Variants in PLCXD3 observed in about 807,000 individuals in gnomAD.
PLCXD3 encodes the protein phosphatidylinositol specific phospholipase C X domain containing 3, also known as PI-PLC X domain-containing protein 3.
A neutral mutation model predicts 25.5 loss-of-function variants in PLCXD3; 19 were observed. The ratio of observed to expected loss-of-function variants is 0.75; its 90% CI spans 0.52 to 1.09. The LOEUF is 1.09. PLCXD3 is among the 50% of genes least tolerant of loss of function. PLCXD3 has a pLI of 0.00. For synonymous variants in PLCXD3, 174 were observed against 137.6 expected (o/e 1.26, Z -1.85); for missense variants, 411 against 388.1 (o/e 1.06, Z -0.50).
intron 1 of PLCXD3, among the ~76,000 whole-genome samples, chr5:41,391,466 G>A (rs990806192): frequency 6.6e-6 from 1 of 152,162 alleles, no homozygotes; most frequent in African/African-American, 2.4e-5. Flanking sequence ...GGCCAGAAGG[G>A]AACCTGCTGC....
chr5:41,356,592 G>C (rs1179038728), intron 2 of PLCXD3, among the ~76,000 whole-genome samples: 1 of 152,044 alleles, frequency 6.6e-6, no homozygotes, highest in East Asian at 1.9e-4. Context: ...AAAATATGTG[G>C]ATCCCTGTTT....
rs5867553 is a variant in PLCXD3, at chr5:41,410,141, C to CTTTTTT, written c.104-27613_104-27608dup. Among the ~76,000 whole-genome samples the CTTTTTT allele has an allele frequency of 2.4e-3, 286 of 121,396 alleles. 1 individual carries two copies. Among genetic ancestry groups the CTTTTTT allele is most frequent in the African/African-American group, 7.4e-3 (242 of 32,762 alleles). The allele number at this position is 121,396 out of a possible 152,430, so 79.6% of individuals were successfully genotyped here. A position where few individuals can be genotyped will look rare whatever the true frequency, so the allele number is the denominator to read the frequency against. ...CTAAAGCCCCCCTCCTTTTATTTATCTTTTTTTTTTTTTTTTGAGACGGAG... is the reference window on the plus strand; with the variant it reads ...CTAAAGCCCCCCTCCTTTTATTTATCTTTTTTTTTTTTTTTTTTTTTTGAGACGGAG... On this transcript the variant is annotated intron_variant, in intron 1 of 2. Coordinates refer to ENST00000377801, the MANE Select transcript of PLCXD3 (RefSeq NM_001005473.3).
intron 1 of PLCXD3, among the ~76,000 whole-genome samples, chr5:41,401,811 TTAAC>T (rs1478444937): frequency 2.6e-5 from 4 of 152,054 alleles, no homozygotes; most frequent in African/African-American, 9.7e-5. Flanking sequence ...GGCTATTTAC[TTAAC>T]TAACTTTTGG....
chr5:41,354,610 A>T (rs1013541294), intron 2 of PLCXD3, among the ~76,000 whole-genome samples: 2 of 152,124 alleles, frequency 1.3e-5, no homozygotes, highest in Non-Finnish European at 2.9e-5. Flanking sequence ...TCATTCAATG[A>T]CACACATGTA....
intron 2 of PLCXD3, among the ~76,000 whole-genome samples, chr5:41,365,193 A>G (rs1744899698): frequency 6.6e-6 from 1 of 152,126 alleles, no homozygotes; most frequent in African/African-American, 2.4e-5. Context: ...TCACCATAGA[A>G]ATTTTTCTTT....
At chr5:41,411,705 T>C (rs1746524646) in intron 1 of PLCXD3, among the ~76,000 whole-genome samples, 1 of 151,200 alleles carries the variant, frequency 6.6e-6, no homozygotes, top group African/African-American at 2.4e-5. Flanking sequence ...CCCAAACTCC[T>C]TACTCCAAAT....
chr5:41,500,041 C>T (rs1266398131), intron 1 of PLCXD3, among the ~76,000 whole-genome samples: 1 of 151,738 alleles, frequency 6.6e-6, no homozygotes, highest in African/African-American at 2.4e-5. Context: ...ATAGAACTTC[C>T]ATTTGATCCA....
intron 1 of PLCXD3, among the ~76,000 whole-genome samples, chr5:41,391,207 C>A (rs945962828): frequency 5.3e-5 from 8 of 152,162 alleles, no homozygotes; most frequent in Admixed American, 5.2e-4. Flanking sequence ...TGAGGTGGAA[C>A]ATGATACACA....
intron 2 of PLCXD3, among the ~76,000 whole-genome samples, chr5:41,362,599 GT>G (rs2150485581): frequency 6.6e-6 from 1 of 152,288 alleles, no homozygotes; most frequent in Admixed American, 6.5e-5. Context: ...CACCTTGAAA[GT>G]TAAACAAACT....
At chr5:41,397,638 C>G (rs1307035180) in intron 1 of PLCXD3, among the ~76,000 whole-genome samples, 1 of 152,262 alleles carries the variant, frequency 6.6e-6, no homozygotes, top group Admixed American at 6.5e-5. Context: ...TCCTCCAGCC[C>G]CCAGAATGGT....
rs1745501521 is a variant in PLCXD3 at position 41,382,497 on chromosome 5, G to A, written c.141C>T (p.Ala47=). ...HDSFSFYIDE[A]SPVGPEQPET... ...CTGGCTGCTCAGGACCTACTGGAGA[G>A]GCTTCATCAATGTAGAAGCTGAAGG... The change falls in exon 2 of 3, where the codon GCC becomes GCT. Residue 47 remains alanine, a synonymous_variant. Coordinates refer to ENST00000377801, the MANE Select transcript of PLCXD3 (RefSeq NM_001005473.3). 1 of 1,606,300 alleles carries A rather than the reference G, an allele frequency of 6.2e-7. No homozygotes were observed. Among genetic ancestry groups the A allele is most frequent in the Non-Finnish European group, 8.5e-7 (1 of 1,178,776 alleles).
chr5:41,502,283 CTGTT>C (rs749768467), intron 1 of PLCXD3, among the ~76,000 whole-genome samples: 1 of 152,028 alleles, frequency 6.6e-6, no homozygotes, highest in Non-Finnish European at 1.5e-5. Flanking sequence ...AAGATCTTGT[CTGTT>C]TGCATCAAGT....
At chr5:41,403,398 G>GTTTTTTTTTTTTTTTTTTTTTTTTGTTT (rs764950342) in intron 1 of PLCXD3, among the ~76,000 whole-genome samples, 2 of 33,990 alleles carry the variant, frequency 5.9e-5, no homozygotes, top group African/African-American at 2.3e-4. Flanking sequence ...TGACTTATTT[G>GTTTTTTTTTTTTTTTTTTTTTTTTGTTT]TTGTTTTTTT....
intron 2 of PLCXD3, among the ~76,000 whole-genome samples, chr5:41,358,357 A>G (rs1442234109): frequency 2.0e-5 from 3 of 152,130 alleles, no homozygotes. Context: ...GTTTGGTTGC[A>G]TGAATAAGTT....
At chr5:41,482,088 G>T (rs4478362) in intron 1 of PLCXD3, among the ~76,000 whole-genome samples, 1 of 151,782 alleles carries the variant, frequency 6.6e-6, no homozygotes, top group Admixed American at 6.6e-5. Context: ...TTTTAACCTA[G>T]AACTCAGATA....
intron 1 of PLCXD3, among the ~76,000 whole-genome samples, chr5:41,454,441 C>A (rs976081736): frequency 6.6e-6 from 1 of 151,978 alleles, no homozygotes; most frequent in Non-Finnish European, 1.5e-5. Flanking sequence ...CACAAGATGG[C>A]AGGTGCTAGC....
intron 1 of PLCXD3, among the ~76,000 whole-genome samples, chr5:41,510,118 G>C (rs890851928): frequency 6.6e-6 from 1 of 152,002 alleles, no homozygotes; most frequent in African/African-American, 2.4e-5. Context: ...ACCATAGGAG[G>C]GGGTCACGAG....
At chr5:41,470,720 C>T (rs549839543) in intron 1 of PLCXD3, among the ~76,000 whole-genome samples, 1 of 152,070 alleles carries the variant, frequency 6.6e-6, no homozygotes, top group South Asian at 2.1e-4. Context: ...AGAAGCTAAA[C>T]AGGAAAAAGA....
At chr5:41,375,021 T>C (rs1282079084) in intron 2 of PLCXD3, among the ~76,000 whole-genome samples, 1 of 152,102 alleles carries the variant, frequency 6.6e-6, no homozygotes, top group Admixed American at 6.5e-5. Context: ...TCCAAGAGAC[T>C]AGACCCATCC....
Sources: gnomAD v4.1 joint callset for allele counts (sites outside exome capture counted in the v4.1 genomes callset) on GRCh38, gnomAD v4.1.1 for gene constraint, MANE v1.5 for transcripts, NCBI Gene and HGNC (gene_info 2026-07-23, HGNC 2026-07-21) for gene names.